OPCML: variants seen among roughly 807,000 people sequenced by gnomAD.
The protein encoded by OPCML is opioid-binding protein/cell adhesion molecule.
In OPCML, 13 loss-of-function variants were observed where a neutral mutation model predicts 37.8. The observed-to-expected ratio is 0.34, with a 90% confidence interval of 0.22 to 0.55. The LOEUF (loss-of-function observed/expected upper bound fraction) is 0.55, where lower values mean the gene tolerates loss of function less well. Among genes scored for constraint, OPCML ranks in the 20% least tolerant of loss-of-function variants. The probability of loss-of-function intolerance (pLI) is 0.91; values close to 1 mark genes in which losing one functional copy is unlikely to be tolerated. For missense variants in OPCML, 341 were observed against 435.6 expected (o/e 0.78, Z 1.93); for synonymous variants, 176 against 168.8 (o/e 1.04, Z -0.33).
intron 1 of OPCML, among the ~76,000 whole-genome samples, chr11:132,960,577 A>G (rs1473659541): frequency 6.6e-6 from 1 of 151,734 alleles, no homozygotes; most frequent in African/African-American, 2.4e-5. Context: ...TCTATTTTCC[A>G]CCATCTCCCT....
chr11:132,956,385 G>A (rs1945978525), intron 1 of OPCML, among the ~76,000 whole-genome samples: 1 of 152,176 alleles, frequency 6.6e-6, no homozygotes, highest in African/African-American at 2.4e-5. Context: ...GTGATATATT[G>A]TAACTCAGCT....
intron 2 of OPCML, among the ~76,000 whole-genome samples, chr11:132,786,555 C>T (rs1257592998): frequency 6.6e-6 from 1 of 152,090 alleles, no homozygotes; most frequent in African/African-American, 2.4e-5. Context: ...ATAACATTTA[C>T]TTTTTTTGCC....
chr11:133,207,839 G>A (rs1939160097), intron 1 of OPCML, among the ~76,000 whole-genome samples: 1 of 152,048 alleles, frequency 6.6e-6, no homozygotes, highest in Non-Finnish European at 1.5e-5. Flanking sequence ...CATCCCTGTG[G>A]CATCTTTCCT....
At chr11:133,279,865 A>G (rs1361474034) in intron 1 of OPCML, among the ~76,000 whole-genome samples, 1 of 152,228 alleles carries the variant, frequency 6.6e-6, no homozygotes, top group African/African-American at 2.4e-5. Context: ...AAGATTTAGT[A>G]GATAGTGGTG....
At chr11:132,651,074 A>G (rs1453004343) in intron 3 of OPCML, among the ~76,000 whole-genome samples, 1 of 152,188 alleles carries the variant, frequency 6.6e-6, no homozygotes, top group African/African-American at 2.4e-5. Context: ...GTGCAATCCC[A>G]GCATCCACCT....
intron 1 of OPCML, among the ~76,000 whole-genome samples, chr11:133,249,458 C>A (rs1007208252): frequency 6.6e-6 from 1 of 152,220 alleles, no homozygotes; most frequent in African/African-American, 2.4e-5. Flanking sequence ...CCACCTCCAA[C>A]ATTGCGGATC....
chr11:133,120,253 C>T (rs992563574), intron 1 of OPCML, among the ~76,000 whole-genome samples: 1 of 152,186 alleles, frequency 6.6e-6, no homozygotes, highest in Non-Finnish European at 1.5e-5. Flanking sequence ...CACGCACACA[C>T]ATTTACTGAG....
At chr11:133,291,102 C>T (rs1942460392) in intron 1 of OPCML, among the ~76,000 whole-genome samples, 1 of 152,242 alleles carries the variant, frequency 6.6e-6, no homozygotes, top group South Asian at 2.1e-4. Context: ...ATTATTCGTG[C>T]CACGCACAGC....
At chr11:133,009,681 G>C (rs1269306855) in intron 1 of OPCML, among the ~76,000 whole-genome samples, 1 of 152,188 alleles carries the variant, frequency 6.6e-6, no homozygotes, top group Non-Finnish European at 1.5e-5. Context: ...GCATTAGTTA[G>C]ATTCTCATAA....
At chr11:132,537,848 T>A (rs1224255763) in intron 3 of OPCML, among the ~76,000 whole-genome samples, 2 of 152,038 alleles carry the variant, frequency 1.3e-5, no homozygotes, top group African/African-American at 4.8e-5. Flanking sequence ...AAAATGCAAA[T>A]CAAAACCACA....
intron 2 of OPCML, among the ~76,000 whole-genome samples, chr11:132,704,442 T>A (rs1214757472): frequency 4.6e-5 from 7 of 152,082 alleles, no homozygotes; most frequent in Non-Finnish European, 7.4e-5. Context: ...GTAAGGCAGG[T>A]CTAGAAAGCA....
chr11:132,994,714 T>C (rs2136827278), intron 1 of OPCML, among the ~76,000 whole-genome samples: 1 of 152,268 alleles, frequency 6.6e-6, no homozygotes, highest in South Asian at 2.1e-4. Context: ...AATGCCAGGC[T>C]CTGTTCTTGG....
intron 1 of OPCML, among the ~76,000 whole-genome samples, chr11:133,373,740 C>T (rs1944737306): frequency 6.6e-6 from 1 of 151,976 alleles, no homozygotes; most frequent in Admixed American, 6.6e-5. Context: ...ACTAAATAAA[C>T]ACTATTAAAT....
intron 1 of OPCML, among the ~76,000 whole-genome samples, chr11:133,153,787 TA>T (rs34672310): frequency 0.64 from 97,454 of 151,696 alleles, 33,144 homozygotes; most frequent in African/African-American, 0.88. Flanking sequence ...TGCTATAGAA[TA>T]GACTGCCCCC....
At chr11:133,321,545 C>G (rs1440579161) in intron 1 of OPCML, among the ~76,000 whole-genome samples, 1 of 152,038 alleles carries the variant, frequency 6.6e-6, no homozygotes, top group Non-Finnish European at 1.5e-5. Context: ...GGGATTTCGC[C>G]TTTGAGGGGC....
intron 1 of OPCML, among the ~76,000 whole-genome samples, chr11:133,485,501 C>T (rs7951982): frequency 0.32 from 48,389 of 151,940 alleles, 9,326 homozygotes; most frequent in African/African-American, 0.53. Flanking sequence ...GGAGACTTTG[C>T]TCAGTAAACA....
intron 1 of OPCML, among the ~76,000 whole-genome samples, chr11:132,979,904 G>A (rs757310726): frequency 6.6e-6 from 1 of 152,204 alleles, no homozygotes; most frequent in Admixed American, 6.5e-5. Flanking sequence ...CAGAATGAAA[G>A]GGTGAAGAGT....
chr11:132,462,258 G>A (rs2096104949), intron 4 of OPCML, among the ~76,000 whole-genome samples: 1 of 152,162 alleles, frequency 6.6e-6, no homozygotes, highest in Admixed American at 6.5e-5. Flanking sequence ...CAGAGGTGAA[G>A]TATTCAGTGT....
chr11:133,193,153 G>A (rs1305423144), intron 1 of OPCML, among the ~76,000 whole-genome samples: 1 of 152,142 alleles, frequency 6.6e-6, no homozygotes, highest in African/African-American at 2.4e-5. Flanking sequence ...GTGCATGAGA[G>A]AGCCTGCCTC....
Sources: allele counts gnomAD v4.1 joint callset (sites outside exome capture counted in the v4.1 genomes callset), GRCh38; gene constraint gnomAD v4.1.1; transcripts MANE v1.5; gene names NCBI Gene and HGNC (gene_info 2026-07-23, HGNC 2026-07-21).